ZNF407: variants seen among roughly 807,000 people sequenced by gnomAD.
ZNF407 encodes zinc finger protein 407.
ZNF407 carries 17 observed loss-of-function variants against 131.2 expected under a neutral mutation model. That is an observed-to-expected ratio of 0.13 (90% confidence interval 0.09 to 0.19). The LOEUF (loss-of-function observed/expected upper bound fraction) is 0.19. Among genes scored for constraint, ZNF407 ranks in the 10% least tolerant of loss-of-function variants. ZNF407 has a pLI of 1.00. For synonymous variants in ZNF407, 1,156 were observed against 1,062.0 expected, an observed-to-expected ratio of 1.09 and a Z score of -1.72; for missense variants, 2,681 against 2,830.6, an observed-to-expected ratio of 0.95 and a Z score of 1.20.
rs971544482 is a variant in ZNF407, at chr18:75,063,615, A to G, written c.5894A>G (p.Gln1965Arg). Residue 1965 changes from glutamine to arginine, a missense_variant, in exon 9 of 9, where the codon CAA (glutamine) becomes CGA (arginine). Physicochemically the swap from Gln to Arg is conservative, Grantham distance 43. This residue lies in a region of ZNF407 where 620 missense variants were observed against 583.1 expected (regional missense o/e 1.06). Transcript: ENST00000299687. This position sits in a 1 kb window ranked among gnomAD's most constrained non-coding sequence, Gnocchi z 6.6. ...ESLSPGGAVIQQVTKQEILNL... is the reference protein window; with the variant it reads ...ESLSPGGAVIRQVTKQEILNL... ...CTCAGTCCAGGTGGCGCTGTGATACAACAGGTGACCAAGCAGGAGATTTTA... is the reference window on the plus strand; with the variant it reads ...CTCAGTCCAGGTGGCGCTGTGATACGACAGGTGACCAAGCAGGAGATTTTA... 6.3e-6 allele frequency: 10 copies of G among 1,582,300 alleles called. No individual in the cohort carries two copies. Among genetic ancestry groups the G allele is most frequent in the Non-Finnish European group, 7.7e-6 (9 of 1,165,708 alleles).
chr18:75,054,112 G>A (rs1973533803), intron 8 of ZNF407, among the ~76,000 whole-genome samples: 3 of 152,278 alleles, frequency 2.0e-5, no homozygotes. Context: ...GAGCAGCCAT[G>A]TGCCCAGCAC....
At chr18:74,654,564 A>G (rs1009553166) in intron 3 of ZNF407, among the ~76,000 whole-genome samples, 1 of 151,860 alleles carries the variant, frequency 6.6e-6, no homozygotes, top group Non-Finnish European at 1.5e-5. Context: ...TGATTTAAGA[A>G]TGTGAGACTT....
At chr18:74,729,907 T>C (rs1324578047) in intron 3 of ZNF407, among the ~76,000 whole-genome samples, 1 of 152,214 alleles carries the variant, frequency 6.6e-6, no homozygotes, top group African/African-American at 2.4e-5. Flanking sequence ...TCATAGAATT[T>C]GGCAGTGATG....
chr18:75,013,704 C>T (rs1478789964), intron 8 of ZNF407, among the ~76,000 whole-genome samples: 1 of 152,046 alleles, frequency 6.6e-6, no homozygotes, highest in Admixed American at 6.6e-5. Context: ...CTGCTTGTGC[C>T]CGTGTTCTCT....
At chr18:75,028,405 C>T (rs1008940415) in intron 8 of ZNF407, among the ~76,000 whole-genome samples, 5 of 151,540 alleles carry the variant, frequency 3.3e-5, no homozygotes, top group African/African-American at 1.2e-4. Flanking sequence ...GGACCCTGGT[C>T]ACATTCGATT....
chr18:74,659,919 A>T lies in ZNF407; in HGVS notation c.4802+18797A>T, dbSNP rs77609570. Among the ~76,000 whole-genome samples, 508 of 152,272 alleles carry T rather than the reference A, an allele frequency of 3.3e-3. 4 individuals carry two copies. Among genetic ancestry groups the T allele is most frequent in the African/African-American group, 0.011 (477 of 41,570 alleles). ...AATATATTTCTATGCATTTTGGATT[A>T]TTATGCCATTTCTTATTTCAAACCC... On this transcript the variant is annotated intron_variant, in intron 3 of 8. Coordinates refer to ENST00000299687, the MANE Select transcript of ZNF407 (RefSeq NM_017757.3).
At chr18:74,817,860 T>C (rs773615923) in intron 4 of ZNF407, among the ~76,000 whole-genome samples, 23 of 152,190 alleles carry the variant, frequency 1.5e-4, no homozygotes, top group Non-Finnish European at 3.2e-4. Flanking sequence ...AGGTGTTTTT[T>C]TGTGGACCAT....
At chr18:74,875,131 A>AC (rs1971138369) in intron 4 of ZNF407, among the ~76,000 whole-genome samples, 1 of 152,188 alleles carries the variant, frequency 6.6e-6, no homozygotes, top group Non-Finnish European at 1.5e-5. Context: ...GTTCCAGAGA[A>AC]CACCCCATTG....
intron 3 of ZNF407, among the ~76,000 whole-genome samples, chr18:74,778,995 G>A (rs1276353815): frequency 6.7e-6 from 1 of 148,426 alleles, no homozygotes; most frequent in African/African-American, 2.5e-5. Context: ...TAATGTTACA[G>A]TGTTAGTGTG....
In ZNF407 at chr18:74,777,313, C is replaced by T. The variant is rs185016640; in HGVS notation, c.4803-4115C>T. Reference sequence around the variant, plus strand: ...TAAGTTGTACTGTGTCAGGCATTTACGGATACTTGTAAGTCGATCAATATT... The same window carrying T: ...TAAGTTGTACTGTGTCAGGCATTTATGGATACTTGTAAGTCGATCAATATT... On this transcript the variant is annotated intron_variant, in intron 3 of 8. Transcript: ENST00000299687. 2.7e-4 allele frequency among the ~76,000 whole-genome samples: 41 copies of T among 152,018 alleles called. 2 individuals are homozygous for T. The highest frequency in any genetic ancestry group is 9.7e-4 in the African/African-American group (40 of 41,450).
chr18:74,890,220 A>T (rs554754688), intron 7 of ZNF407, among the ~76,000 whole-genome samples, 182 bp downstream of exon 7: 16 of 152,324 alleles, frequency 1.1e-4, no homozygotes, highest in African/African-American at 3.4e-4. Context: ...TTTCAGGTTC[A>T]CAATAAAATT....
At chr18:74,780,449 A>G (rs1274388215) in intron 3 of ZNF407, among the ~76,000 whole-genome samples, 7 of 152,180 alleles carry the variant, frequency 4.6e-5, no homozygotes, top group Admixed American at 2.0e-4. Flanking sequence ...TAACATGCCA[A>G]TTTGATTTGT....
At chr18:74,729,626 T>C (rs532954181) in intron 3 of ZNF407, among the ~76,000 whole-genome samples, 1 of 152,170 alleles carries the variant, frequency 6.6e-6, no homozygotes, top group South Asian at 2.1e-4. Context: ...AGAACATAGG[T>C]ATAAGTAAGT....
intron 3 of ZNF407, among the ~76,000 whole-genome samples, chr18:74,705,370 G>T (rs1053321121): frequency 6.6e-6 from 1 of 152,138 alleles, no homozygotes; most frequent in Non-Finnish European, 1.5e-5. Context: ...CTCTGATTTG[G>T]TTGAATAGGA....
intron 4 of ZNF407, among the ~76,000 whole-genome samples, chr18:74,844,490 T>C (rs1970676230): frequency 6.6e-6 from 1 of 152,236 alleles, no homozygotes; most frequent in South Asian, 2.1e-4. Context: ...ATATATTTAA[T>C]ATGCATCTGT....
chr18:74,902,020 T>C (rs185183255), intron 7 of ZNF407, among the ~76,000 whole-genome samples: 3 of 152,194 alleles, frequency 2.0e-5, no homozygotes, highest in African/African-American at 7.2e-5. Context: ...GTAAAACTAA[T>C]TTTGCCTTCA....
At chr18:74,844,286 T>G (rs1180014032) in intron 4 of ZNF407, among the ~76,000 whole-genome samples, 3 of 152,182 alleles carry the variant, frequency 2.0e-5, no homozygotes, top group Non-Finnish European at 4.4e-5. Context: ...GGTGAACCCC[T>G]CTGTGAGCTG....
intron 8 of ZNF407, among the ~76,000 whole-genome samples, chr18:74,979,109 C>T (rs1442212718): frequency 1.3e-5 from 2 of 152,094 alleles, no homozygotes; most frequent in South Asian, 2.1e-4. Context: ...TTAGCGACAC[C>T]TGGGTGTGGT....
rs1228890942 is a variant in ZNF407, at chr18:74,756,625, T to C, written c.4803-24803T>C. 2.0e-5 allele frequency among the ~76,000 whole-genome samples: 3 copies of C among 152,194 alleles called. No homozygotes were observed. In the East Asian group the frequency reaches 5.8e-4, roughly 29 times the overall value. Reference sequence around the variant, plus strand: ...AGAAACACAATGCATTTTTGTGTATTGATTTTGTATCTTGCAACATTGCTG... The same window carrying C: ...AGAAACACAATGCATTTTTGTGTATCGATTTTGTATCTTGCAACATTGCTG... On this transcript the variant is annotated intron_variant, in intron 3 of 8. Transcript: ENST00000299687.
Sources: allele counts gnomAD v4.1 joint callset (sites outside exome capture counted in the v4.1 genomes callset), GRCh38; gene constraint gnomAD v4.1.1; regional missense constraint gnomAD v4.1.1; non-coding constraint Gnocchi (gnomAD v3.1); transcripts MANE v1.5; gene names NCBI Gene and HGNC (gene_info 2026-07-23, HGNC 2026-07-21).